The following CPNE2 variants were observed in gnomAD, a reference collection of about 807,000 sequenced individuals.
CPNE2 encodes copine 2, also known as copine-2.
In CPNE2, 42 loss-of-function variants were observed where a neutral mutation model predicts 69.7. The ratio of observed to expected loss-of-function variants is 0.60; its 90% confidence interval spans 0.47 to 0.78. The LOEUF (loss-of-function observed/expected upper bound fraction) is 0.78, where lower values mean the gene tolerates loss of function less well. Ranked by LOEUF, CPNE2 falls within the 30% of genes least tolerant of loss-of-function variation. The probability of loss-of-function intolerance (pLI) is 0.00; values close to 1 mark genes in which losing one functional copy is unlikely to be tolerated. For missense variants in CPNE2, 587 were observed against 732.0 expected, an observed-to-expected ratio of 0.80 and a Z score of 2.29; for synonymous variants, 294 against 289.8, an observed-to-expected ratio of 1.01 and a Z score of -0.15.
At chr16:57,144,564 C>A (rs1049974038) in intron 14 of CPNE2, 9 of 152,330 alleles carry the variant, frequency 5.9e-5, no homozygotes, top group African/African-American at 2.2e-4. Flanking sequence ...AATATGAAGA[C>A]CACAAGAGCT....
At chr16:57,124,256 A>G (rs970451969) in intron 10 of CPNE2, 3 of 368,684 alleles carry the variant, frequency 8.1e-6, no homozygotes, top group African/African-American at 6.4e-5. Flanking sequence ...TAATTTTTGC[A>G]TTTTCTGTAG....
chr16:57,138,044 C>A (rs1302268888), intron 14 of CPNE2, among the ~76,000 whole-genome samples: 1 of 152,194 alleles, frequency 6.6e-6, no homozygotes, highest in African/African-American at 2.4e-5. Context: ...CTGACCTATG[C>A]CCTATGCATA....
At chr16:57,116,752 G>A (rs981484420) in intron 4 of CPNE2, among the ~76,000 whole-genome samples, 4 of 152,198 alleles carry the variant, frequency 2.6e-5, no homozygotes, top group Non-Finnish European at 5.9e-5. Flanking sequence ...GTGGGAGGAC[G>A]GCAGGGGAGA....
intron 1 of CPNE2, among the ~76,000 whole-genome samples, chr16:57,100,399 A>G (rs2069605829): frequency 6.6e-6 from 1 of 152,202 alleles, no homozygotes; most frequent in South Asian, 2.1e-4. Flanking sequence ...TCATCAGGGA[A>G]CCTGGATGTT....
At position 57,146,349 on chromosome 16, in the gene CPNE2, G is replaced by T. The variant is rs2069958291; in HGVS notation, c.1539+28G>T. Reference sequence around the variant, plus strand: ...GAGTGTGGGCCTGGGCTGGGAGGGGGCGGTTACAGGATCCCAGCCACCATA... The same window carrying T: ...GAGTGTGGGCCTGGGCTGGGAGGGGTCGGTTACAGGATCCCAGCCACCATA... On this transcript the variant is annotated intron_variant, in intron 15 of 15. Coordinates refer to ENST00000290776, the MANE Select transcript of CPNE2 (RefSeq NM_152727.6). This position sits in a 1 kb window ranked among gnomAD's most constrained non-coding sequence, Gnocchi z 4.4. 6.6e-7 allele frequency: 1 copy of T among 1,514,998 alleles called. No homozygotes were observed. The allele number at this position is 1,514,998 out of a possible 1,614,324, so 93.8% of individuals were successfully genotyped here. A position where few individuals can be genotyped will look rare whatever the true frequency, so the allele number is the denominator to read the frequency against.
chr16:57,144,157 G>T (rs2069941086), intron 14 of CPNE2: 1 of 152,296 alleles, frequency 6.6e-6, no homozygotes, highest in South Asian at 2.1e-4. Flanking sequence ...GGGATGGGGG[G>T]CTGGCAACAG....
At chr16:57,123,009 A>G (rs2069774156) in intron 9 of CPNE2, among the ~76,000 whole-genome samples, 1 of 152,142 alleles carries the variant, frequency 6.6e-6, no homozygotes, top group African/African-American at 2.4e-5. Flanking sequence ...GACAAAGACC[A>G]TCAAAACAAC....
intron 6 of CPNE2, 112 bp downstream of exon 6, chr16:57,119,390 A>G: frequency 8.3e-7 from 1 of 1,210,042 alleles, no homozygotes; most frequent in Non-Finnish European, 1.2e-6. Context: ...AGGAAAACCC[A>G]CAGTGGCACC....
At chr16:57,134,716 G>C in intron 12 of CPNE2, 59 bp from the exon 13 acceptor site, 1 of 1,598,220 alleles carries the variant, frequency 6.3e-7, no homozygotes, top group Non-Finnish European at 8.6e-7. Context: ...AGTGGGTGGT[G>C]GCCTGGGTCT....
At position 57,093,974 on chromosome 16, in the gene CPNE2, C is replaced by A. The variant is rs527256453; in HGVS notation, c.-36+1184C>A. 262 of 451,816 alleles carry A rather than the reference C, an allele frequency of 5.8e-4. 2 individuals carry two copies. Among genetic ancestry groups the A allele is most frequent in the African/African-American group, 4.1e-3 (204 of 50,126 alleles). The allele number at this position is 451,816 out of a possible 1,614,324, so 28.0% of individuals were successfully genotyped here. On this transcript the variant is annotated intron_variant, in intron 1 of 15. Coordinates refer to ENST00000290776, the MANE Select transcript of CPNE2 (RefSeq NM_152727.6). ...GGGAACTTGGCCCAGACCCTCCCCC[C>A]CTGTGGCCCTCTGGGTCACCATCTG...
At chr16:57,141,080 G>A (rs1451642122) in intron 14 of CPNE2, 1 of 152,496 alleles carries the variant, frequency 6.6e-6, no homozygotes, top group East Asian at 1.9e-4. Context: ...AAAATGTGGG[G>A]CAGGGAGCGG....
At chr16:57,122,063 G>C (rs1030037035) in intron 9 of CPNE2, among the ~76,000 whole-genome samples, 11 of 152,372 alleles carry the variant, frequency 7.2e-5, no homozygotes, top group African/African-American at 2.6e-4. Flanking sequence ...GTCATTGCGA[G>C]TTGCTGCCGC....
At chr16:57,108,489 T>C (rs2069661325) in intron 1 of CPNE2, among the ~76,000 whole-genome samples, 2 of 152,056 alleles carry the variant, frequency 1.3e-5, no homozygotes, top group African/African-American at 2.4e-5. Flanking sequence ...TATTAGGGAG[T>C]TGGAACCTGG....
chr16:57,094,055 G>T (rs979468251), intron 1 of CPNE2: 5 of 456,624 alleles, frequency 1.1e-5, no homozygotes, highest in African/African-American at 8.0e-5. Context: ...CAGCATGAAG[G>T]CGTGGTTTTA....
At chr16:57,094,357 C>T (rs545033314) in intron 1 of CPNE2, among the ~76,000 whole-genome samples, 1 of 152,164 alleles carries the variant, frequency 6.6e-6, no homozygotes, top group East Asian at 1.9e-4. Flanking sequence ...AAGTAGGGAG[C>T]ACTTCATGAG....
intron 1 of CPNE2, among the ~76,000 whole-genome samples, chr16:57,099,156 C>T (rs1263078214): frequency 1.3e-5 from 2 of 152,146 alleles, no homozygotes; most frequent in Admixed American, 6.5e-5. Context: ...CTTCCAGCAG[C>T]ATAGATTTGT....
intron 10 of CPNE2, chr16:57,124,430 G>A (rs1014405278): frequency 6.6e-6 from 3 of 454,688 alleles, no homozygotes; most frequent in Non-Finnish European, 1.3e-5. Context: ...AGATTCATAT[G>A]CATTTGTCGC....
At chr16:57,129,341 C>T (rs745706034) in intron 12 of CPNE2, among the ~76,000 whole-genome samples, 3 of 151,886 alleles carry the variant, frequency 2.0e-5, no homozygotes, top group African/African-American at 4.8e-5. Flanking sequence ...AGAGAAGGGG[C>T]GAAGGCAAGG....
rs745731153 is a variant in CPNE2, at chr16:57,121,665, G to A, written c.781-9G>A. Reference sequence around the variant, plus strand: ...CGAGGTGAGTGTCTCTTTCTTTTGCGTTGCCCAGCTGGAGTTCGAGTGCAT... The same window carrying A: ...CGAGGTGAGTGTCTCTTTCTTTTGCATTGCCCAGCTGGAGTTCGAGTGCAT... On this transcript the variant is annotated splice_polypyrimidine_tract_variant and intron_variant, in intron 8 of 15. Coordinates refer to ENST00000290776, the MANE Select transcript of CPNE2 (RefSeq NM_152727.6). 39 of 1,613,786 alleles carry A rather than the reference G, an allele frequency of 2.4e-5. No individual in the cohort carries two copies. Among genetic ancestry groups the A allele is most frequent in the East Asian group, 4.5e-5 (2 of 44,888 alleles).
Sources: gnomAD v4.1 joint callset for allele counts (sites outside exome capture counted in the v4.1 genomes callset) on GRCh38, gnomAD v4.1.1 for gene constraint, Gnocchi (gnomAD v3.1) non-coding constraint, MANE v1.5 for transcripts, NCBI Gene and HGNC (gene_info 2026-07-23, HGNC 2026-07-21) for gene names.